The following DYRK1B variants were observed in gnomAD, a reference collection of about 807,000 sequenced individuals.
DYRK1B encodes the protein dual specificity tyrosine-phosphorylation-regulated kinase 1B.
Under a neutral mutation model 57.1 loss-of-function variants are expected in DYRK1B, and 20 were observed. That is an observed-to-expected ratio of 0.35 (90% CI 0.25 to 0.51). DYRK1B has a LOEUF of 0.51. Among genes scored for constraint, DYRK1B ranks in the 20% least tolerant of loss-of-function variants. DYRK1B has a pLI of 0.96. For synonymous variants in DYRK1B, 409 were observed against 384.7 expected, an observed-to-expected ratio of 1.06 and a Z score of -0.74; for missense variants, 732 against 886.3, an observed-to-expected ratio of 0.83 and a Z score of 2.21.
chr19:39,826,821 C>A lies in DYRK1B; in HGVS notation c.1262G>T (p.Ser421Ile). Residue 421 changes from serine (S) to isoleucine (I), a missense_variant, in exon 9 of 11, where the codon AGC (serine) becomes ATC (isoleucine). Transcript: ENST00000323039. This position sits in a 1 kb window ranked among gnomAD's most constrained non-coding sequence, Gnocchi z 6.3. Reference sequence around the variant, plus strand: ...GCCGTGCTGCAGAGCCCCCAGGGGGCTGATGCGGGCGGCGGGCTCATACTC... The same window carrying A: ...GCCGTGCTGCAGAGCCCCCAGGGGGATGATGCGGGCGGCGGGCTCATACTC... ...MLEYEPAARISPLGALQHGFF... is the reference protein window; with the variant it reads ...MLEYEPAARIIPLGALQHGFF... 6.6e-7 allele frequency: 1 copy of A among 1,503,998 alleles called. No individual in the cohort carries two copies. The highest frequency in any genetic ancestry group is 8.9e-7 in the Non-Finnish European group (1 of 1,128,154). 93.2% of individuals were successfully genotyped at this position (1,503,998 alleles called of 1,614,324 possible). A position where few individuals can be genotyped will look rare whatever the true frequency, so the allele number is the denominator to read the frequency against.
At chr19:39,827,223 G>C (rs1186511310) in intron 8 of DYRK1B, 62 bp downstream of exon 8, 13 of 1,535,318 alleles carry the variant, frequency 8.5e-6, no homozygotes, top group African/African-American at 1.4e-5. Flanking sequence ...CAGGGGGAGA[G>C]AGCCCCAAGT....
Position 39,826,585 on chromosome 19 carries a change from G to A in DYRK1B, c.1411+87C>T. The A allele has an allele frequency of 5.1e-6, 7 of 1,381,066 alleles. No homozygotes were observed. In the South Asian group the frequency reaches 1.0e-4, roughly 21 times the overall value. The allele number at this position is 1,381,066 out of a possible 1,614,324, so 85.6% of individuals were successfully genotyped here. Reference sequence around the variant, plus strand: ...CAGGATCAGTTTCGGCGCTTTGTGTGAAGACCCAGTAACCAGGTCCCCCAG... The same window carrying A: ...CAGGATCAGTTTCGGCGCTTTGTGTAAAGACCCAGTAACCAGGTCCCCCAG... On this transcript the variant is annotated intron_variant, in intron 9 of 10. Coordinates refer to ENST00000323039, the MANE Select transcript of DYRK1B (RefSeq NM_004714.3). The surrounding 1 kb of genome is among the most constrained non-coding windows in gnomAD (Gnocchi z 6.3).
chr19:39,826,069 C>G lies in DYRK1B; in HGVS notation c.1536G>C (p.Pro512=). ...CATCACCCCCTGCCCAGGGCCGCAG[C>G]GGCTGGGAGGGTGGGACCTAAAAAA... The part of the protein sequence containing the change: ...MNSPQVPPSQ[P]LRPWAGGDVP... The change falls in exon 11 of 11, where the codon CCG becomes CCC. Residue 512 remains proline, a synonymous_variant. Transcript: ENST00000323039. The surrounding 1 kb of genome is among the most constrained non-coding windows in gnomAD (Gnocchi z 6.3). The G allele has an allele frequency of 6.6e-7, 1 of 1,519,802 alleles. No individual in the cohort carries two copies. The highest frequency in any genetic ancestry group is 8.8e-7 in the Non-Finnish European group (1 of 1,136,932). 94.1% of individuals were successfully genotyped at this position (1,519,802 alleles called of 1,614,324 possible). A position where few individuals can be genotyped will look rare whatever the true frequency, so the allele number is the denominator to read the frequency against.
chr19:39,833,360 C>T (rs1329730158), intron 1 of DYRK1B: 4 of 985,370 alleles, frequency 4.1e-6, no homozygotes, highest in African/African-American at 1.7e-5. Flanking sequence ...GCGGTGGCGG[C>T]GCTGAAAAGG....
Position 39,830,404 on chromosome 19 carries a change from A to T in DYRK1B, c.343T>A (p.Ser115Thr). The T allele has an allele frequency of 6.2e-7, 1 of 1,614,120 alleles. No individual in the cohort carries two copies. The highest frequency in any genetic ancestry group is 1.1e-5 in the South Asian group (1 of 91,088). Residue 115 changes from serine (S) to threonine (T), a missense_variant, in exon 4 of 11, where the codon TCG (serine) becomes ACG (threonine). Ser to Thr is a moderately conservative substitution (Grantham distance 58). Transcript: ENST00000323039. ...ERWLERYEID[S>T]LIGKGSFGQV... ...CCAAAGGAGCCTTTGCCAATGAGCG[A>T]GTCAATTTCGTAGCGCTCCAGCCAG...
At chr19:39,829,588 A>T (rs1402298928) in intron 5 of DYRK1B, 2 of 288,004 alleles carry the variant, frequency 6.9e-6, no homozygotes, top group African/African-American at 4.4e-5. Context: ...TATCTTCAAG[A>T]TGTTGTTAAT....
chr19:39,829,640 G>A (rs1968713352), intron 5 of DYRK1B: 1 of 431,060 alleles, frequency 2.3e-6, no homozygotes, highest in Admixed American at 4.0e-5. Flanking sequence ...TAACTTCCAA[G>A]TGCTTCCAAG....
chr19:39,826,936 T>A lies in DYRK1B; in HGVS notation c.1147A>T (p.Thr383Ser). ...GCCCGCCGGCCCCCGGGCCCGCCCG[T>A]CTGCACGCCCAGCACCTCCTGCAGC... The part of the protein sequence containing the change: ...RRLQEVLGVQ[T>S]GGPGGRRAGE... The change falls in exon 9 of 11, where the codon ACG (threonine) becomes TCG (serine). Residue 383 changes from threonine to serine, a missense_variant. Thr to Ser is a moderately conservative substitution (Grantham distance 58). This residue lies in a region of DYRK1B where 510 missense variants were observed against 681.3 expected (regional missense o/e 0.75). Transcript: ENST00000323039. The surrounding 1 kb of genome is among the most constrained non-coding windows in gnomAD (Gnocchi z 6.3). 2 of 1,321,530 alleles carry A rather than the reference T, an allele frequency of 1.5e-6. No homozygotes were observed. Among genetic ancestry groups the A allele is most frequent in the Non-Finnish European group, 1.9e-6 (2 of 1,035,088 alleles). The allele number at this position is 1,321,530 out of a possible 1,614,324, so 81.9% of individuals were successfully genotyped here.
In DYRK1B at chr19:39,826,143, C is replaced by A. The variant is rs2145003431; in HGVS notation, c.1518+37G>T. The stretch of plus-strand genomic sequence containing the variant: ...GACCCTGGTCTCTAAGCCCCAGGCA[C>A]CACCACCCACCTCCAAAGCCCCCAA... On this transcript the variant is annotated intron_variant, in intron 10 of 10. Transcript: ENST00000323039. The surrounding 1 kb of genome is among the most constrained non-coding windows in gnomAD (Gnocchi z 6.3). 6.3e-7 allele frequency: 1 copy of A among 1,586,790 alleles called. No individual in the cohort carries two copies. The highest frequency in any genetic ancestry group is 2.3e-5 in the East Asian group (1 of 44,224).
rs1047458726 is a variant in DYRK1B, at chr19:39,831,786, G to A, written c.63+19C>T. ...CTCCCCCTACCACCACGCAGGTGAG[G>A]AGCCAGCTGAACGCGTACCTGCGTG... is the stretch of plus-strand genomic sequence containing the variant. On this transcript the variant is annotated intron_variant, in intron 2 of 10. Transcript: ENST00000323039. 1.9e-5 allele frequency: 29 copies of A among 1,548,966 alleles called. No individual in the cohort carries two copies. The highest frequency in any genetic ancestry group is 4.1e-5 in the African/African-American group (3 of 72,946).
At chr19:39,829,259 G>A (rs1212899671) in intron 5 of DYRK1B, among the ~76,000 whole-genome samples, 2 of 148,094 alleles carry the variant, frequency 1.4e-5, no homozygotes, top group Admixed American at 6.8e-5. Context: ...ATGGAGTCTC[G>A]CTCTGTCATC....
chr19:39,827,504 G>A lies in DYRK1B; in HGVS notation c.954+6C>T. The A allele has an allele frequency of 6.2e-7, 1 of 1,613,252 alleles. No homozygotes were observed. The highest frequency in any genetic ancestry group is 8.5e-7 in the Non-Finnish European group (1 of 1,179,462). On this transcript the variant is annotated splice_donor_region_variant and intron_variant, in intron 7 of 10. Coordinates refer to ENST00000323039, the MANE Select transcript of DYRK1B (RefSeq NM_004714.3). ...ACCTCCAGCACACCCCTTCCTGGGGGCACACCTCATTGGAGCCACTGAAGA... is the reference window on the plus strand; with the variant it reads ...ACCTCCAGCACACCCCTTCCTGGGGACACACCTCATTGGAGCCACTGAAGA...
chr19:39,827,179 G>A, intron 8 of DYRK1B, 106 bp downstream of exon 8: 1 of 1,417,578 alleles, frequency 7.1e-7, no homozygotes, highest in East Asian at 2.4e-5. Flanking sequence ...ACAAGGGGGA[G>A]TGGAAGGAAG....
At position 39,829,833 on chromosome 19, in the gene DYRK1B, C is replaced by T. The variant is rs1314009366; in HGVS notation, c.520+47G>A. 1.9e-6 allele frequency: 3 copies of T among 1,600,594 alleles called. No homozygotes were observed. The East Asian group carries it at 6.7e-5, about 36-fold the overall frequency. ...TGTGACCCATCCCTACTGGCTCCAG[C>T]TCCCGCTATCCCAGGTGCCCACAGC... On this transcript the variant is annotated intron_variant, in intron 5 of 10. Transcript: ENST00000323039.
In DYRK1B at chr19:39,826,755, G is replaced by A. The variant is rs1341821415; in HGVS notation, c.1328C>T (p.Pro443Leu). 11 of 1,588,856 alleles carry A rather than the reference G, an allele frequency of 6.9e-6. No homozygotes were observed. The highest frequency in any genetic ancestry group is 1.7e-4 in the Middle Eastern group (1 of 5,874). The change falls in exon 9 of 11, where the codon CCG becomes CTG. Residue 443 changes from proline (P) to leucine (L), a missense_variant. Physicochemically the swap from Pro to Leu is moderately conservative, Grantham distance 98. This residue lies in a region of DYRK1B where 510 missense variants were observed against 681.3 expected (regional missense o/e 0.75). Coordinates refer to ENST00000323039, the MANE Select transcript of DYRK1B (RefSeq NM_004714.3). The surrounding 1 kb of genome is among the most constrained non-coding windows in gnomAD (Gnocchi z 6.3). ...CGAGGTGGAGGCACTGCTGCCTGCC[G>A]GGCCCGTGTTGGTGGCCTCGTCGGC... ...RTADEATNTG[P>L]AGSSASTSPA...
At chr19:39,827,250 G>A (rs367560530) in intron 8 of DYRK1B, 35 bp downstream of exon 8, 117 of 1,581,672 alleles carry the variant, frequency 7.4e-5, no homozygotes, top group Middle Eastern at 2.0e-4. Flanking sequence ...GAGGGGCCAC[G>A]GGGTGGGAGG....
At position 39,825,555 on chromosome 19, in the gene DYRK1B, C is replaced by G. The variant is rs1968486742; in HGVS notation, c.*160G>C. 2 of 725,530 alleles carry G rather than the reference C, an allele frequency of 2.8e-6. No homozygotes were observed. 44.9% of individuals were successfully genotyped at this position (725,530 alleles called of 1,614,324 possible). A position where few individuals can be genotyped will look rare whatever the true frequency, so the allele number is the denominator to read the frequency against. ...GTGGGGAGGGAGCGGCCAAAACCCT[C>G]TCCTTGACCCCCCTGCCCCAGGCCC... On this transcript the variant is annotated 3_prime_UTR_variant, in exon 11 of 11. Transcript: ENST00000323039.
Position 39,829,703 on chromosome 19 carries a change from T to C in DYRK1B, c.520+177A>G, listed in dbSNP as rs1168859554. ...TAACCTCTGACCATTACCAAGAAAA[T>C]AGGACAAAAATCATAAAAGCAGCAG... On this transcript the variant is annotated intron_variant, in intron 5 of 10. Transcript: ENST00000323039. The C allele has an allele frequency of 1.8e-5, 13 of 727,746 alleles. No homozygotes were observed. In the East Asian group the frequency reaches 3.2e-4, roughly 18 times the overall value. 45.1% of individuals were successfully genotyped at this position (727,746 alleles called of 1,614,324 possible). A position where few individuals can be genotyped will look rare whatever the true frequency, so the allele number is the denominator to read the frequency against.
In DYRK1B at chr19:39,825,499, G is replaced by C. The variant is rs1165915100; in HGVS notation, c.*216C>G. 16 of 576,288 alleles carry C rather than the reference G, an allele frequency of 2.8e-5. No individual in the cohort carries two copies. Among genetic ancestry groups the C allele is most frequent in the Non-Finnish European group, 4.9e-5 (16 of 326,422 alleles). The allele number at this position is 576,288 out of a possible 1,614,324, so 35.7% of individuals were successfully genotyped here. ...CTTTGGTACAATAAATAGAAAAAAA[G>C]GGGGAGAGGGGCCCAAGGGTCCAGT... is the stretch of plus-strand genomic sequence containing the variant. On this transcript the variant is annotated 3_prime_UTR_variant, in exon 11 of 11. Coordinates refer to ENST00000323039, the MANE Select transcript of DYRK1B (RefSeq NM_004714.3).
Sources: allele counts gnomAD v4.1 joint callset (sites outside exome capture counted in the v4.1 genomes callset), GRCh38; gene constraint gnomAD v4.1.1; regional missense constraint gnomAD v4.1.1; non-coding constraint Gnocchi (gnomAD v3.1); transcripts MANE v1.5; gene names NCBI Gene and HGNC (gene_info 2026-07-23, HGNC 2026-07-21).